Variants in KDM4D observed in about 807,000 individuals in gnomAD.
KDM4D encodes lysine-specific demethylase 4D.
For missense variants in KDM4D, 427 were observed against 674.8 expected, an observed-to-expected ratio of 0.63 and a Z score of 4.07; for synonymous variants, 254 against 249.1, an observed-to-expected ratio of 1.02 and a Z score of -0.19.
intron 2 of KDM4D, among the ~76,000 whole-genome samples, chr11:94,987,503 A>C (rs1232604912): frequency 6.6e-6 from 1 of 152,180 alleles, no homozygotes; most frequent in African/African-American, 2.4e-5. Flanking sequence ...TCTTATCTTC[A>C]ACTACTGACA....
Position 94,998,592 on chromosome 11 carries a change from G to A in KDM4D, c.1220G>A (p.Arg407His), listed in dbSNP as rs201511454. The change falls in exon 3 of 3, where the codon CGC becomes CAC. Residue 407 changes from arginine (R) to histidine (H), a missense_variant. Physicochemically the swap from Arg to His is conservative, Grantham distance 29 (BLOSUM62 0). Transcript: ENST00000335080. The surrounding 1 kb of genome is among the most constrained non-coding windows in gnomAD (Gnocchi z 6.7). Reference sequence around the variant, plus strand: ...ACCCTTGTGTGCTCTTCACTCCCACGCCGATCTGCAGTTAGTGGCACTGCT... The same window carrying A: ...ACCCTTGTGTGCTCTTCACTCCCACACCGATCTGCAGTTAGTGGCACTGCT... Reference protein sequence around the residue: ...CHTLVCSSLPRRSAVSGTATQ... With the variant: ...CHTLVCSSLPHRSAVSGTATQ... 1.7e-5 allele frequency: 27 copies of A among 1,613,950 alleles called. No homozygotes were observed. Among genetic ancestry groups the A allele is most frequent in the South Asian group, 5.5e-5 (5 of 91,088 alleles).
chr11:94,985,364 A>G (rs1308881677), intron 2 of KDM4D, among the ~76,000 whole-genome samples: 1 of 147,140 alleles, frequency 6.8e-6, no homozygotes, highest in Non-Finnish European at 1.5e-5. Context: ...TAGTGTCAAA[A>G]AGATCAAAAT....
intron 2 of KDM4D, among the ~76,000 whole-genome samples, chr11:94,990,984 G>C (rs1160276211): frequency 6.6e-6 from 1 of 152,160 alleles, no homozygotes; most frequent in Admixed American, 6.5e-5. Flanking sequence ...TCTGGACTGG[G>C]AATTTCCAGA....
intron 2 of KDM4D, among the ~76,000 whole-genome samples, chr11:94,982,226 A>G (rs1857847570): frequency 6.6e-6 from 1 of 151,914 alleles, no homozygotes; most frequent in South Asian, 2.1e-4. Context: ...TTATGGCCAC[A>G]GTTATGGTTA....
intron 2 of KDM4D, among the ~76,000 whole-genome samples, chr11:94,991,680 A>C (rs1264183378): frequency 1.3e-5 from 2 of 151,984 alleles, no homozygotes; most frequent in Non-Finnish European, 2.9e-5. Flanking sequence ...ATAAAGGAAT[A>C]GAAAACTTGG....
chr11:94,986,589 CT>C (rs1299931591), intron 2 of KDM4D, among the ~76,000 whole-genome samples: 1 of 152,156 alleles, frequency 6.6e-6, no homozygotes, highest in Non-Finnish European at 1.5e-5. Flanking sequence ...GAGTGAGACC[CT>C]GTCTTAAAAA....
In KDM4D at chr11:94,998,426, GT is replaced by G. The variant is rs782341995; in HGVS notation, c.1055del (p.Val352AspfsTer7). 1 of 1,613,812 alleles carries G rather than the reference GT, an allele frequency of 6.2e-7. No individual in the cohort carries two copies. Among genetic ancestry groups the G allele is most frequent in the East Asian group, 2.2e-5 (1 of 44,862 alleles). Reference protein sequence around the residue: ...RAVVDHMEPRVPASQELSTQK... With the variant: ...RAVVDHMEPRXPASQELSTQK... ...AGTTGTGGACCACATGGAGCCCAGG[GT>G]ACCAGCCAGCCAAGAGCTGAGCACC... On this transcript the variant is annotated frameshift_variant, in exon 3 of 3. Coordinates refer to ENST00000335080, the MANE Select transcript of KDM4D (RefSeq NM_018039.3). LOFTEE classifies it low-confidence loss of function (END_TRUNC). This position sits in a 1 kb window ranked among gnomAD's most constrained non-coding sequence, Gnocchi z 6.7.
At chr11:94,995,443 G>T (rs1257766582) in intron 2 of KDM4D, among the ~76,000 whole-genome samples, 1 of 152,204 alleles carries the variant, frequency 6.6e-6, no homozygotes, top group Non-Finnish European at 1.5e-5. Flanking sequence ...TATGAAAGAA[G>T]ATGTGCTGTT....
chr11:94,998,692 T>G lies in KDM4D; in HGVS notation c.1320T>G (p.Ser440=). 1 of 1,614,224 alleles carries G rather than the reference T, an allele frequency of 6.2e-7. No homozygotes were observed. Among genetic ancestry groups the G allele is most frequent in the Non-Finnish European group, 8.5e-7 (1 of 1,180,034 alleles). ...SSTPSSTPGP[S]AQIIHPSNGR... Reference sequence around the variant, plus strand: ...CTCCATCATCCACCCCTGGTCCATCTGCACAGATTATCCACCCGTCAAATG... The same window carrying G: ...CTCCATCATCCACCCCTGGTCCATCGGCACAGATTATCCACCCGTCAAATG... Residue 440 remains serine (S), a synonymous_variant, in exon 3 of 3, where the codon TCT becomes TCG. Transcript: ENST00000335080. The surrounding 1 kb of genome is among the most constrained non-coding windows in gnomAD (Gnocchi z 6.7).
chr11:94,997,893 G>A lies in KDM4D; in HGVS notation c.521G>A (p.Gly174Asp). Residue 174 changes from glycine to aspartate, a missense_variant, in exon 3 of 3, where the codon GGC (glycine) becomes GAC (aspartate). Coordinates refer to ENST00000335080, the MANE Select transcript of KDM4D (RefSeq NM_018039.3). ...LEKECGVVIEGVNTPYLYFGM... is the reference protein window; with the variant it reads ...LEKECGVVIEDVNTPYLYFGM... ...AAGGAATGTGGGGTTGTCATAGAAG[G>A]CGTCAATACACCCTACTTGTACTTT... 1.2e-6 allele frequency: 2 copies of A among 1,614,222 alleles called. No homozygotes were observed. Among genetic ancestry groups the A allele is most frequent in the Non-Finnish European group, 1.7e-6 (2 of 1,180,038 alleles).
rs1401439748 is a variant in KDM4D at position 94,974,059 on chromosome 11, C to CTAAA, written c.-453_-452insAAAT. 2 of 152,244 alleles carry CTAAA rather than the reference C, an allele frequency of 1.3e-5. No individual in the cohort carries two copies. Among genetic ancestry groups the CTAAA allele is most frequent in the Non-Finnish European group, 2.9e-5 (2 of 68,046 alleles). The allele number at this position is 152,244 out of a possible 1,614,324, so 9.4% of individuals were successfully genotyped here. ...CAAATATGTACGGGGCAACCACGAT[C>CTAAA]TTTACAAAGGTACCATTCCTGCAAA... On this transcript the variant is annotated 5_prime_UTR_variant, in exon 1 of 3. The change abolishes the stop of an existing upstream ORF in the 5' untranslated region. Coordinates refer to ENST00000335080, the MANE Select transcript of KDM4D (RefSeq NM_018039.3).
intron 2 of KDM4D, among the ~76,000 whole-genome samples, chr11:94,988,752 T>C (rs1857909867): frequency 6.6e-6 from 1 of 152,238 alleles, no homozygotes; most frequent in African/African-American, 2.4e-5. Flanking sequence ...CTGAAGATTC[T>C]GTGAGCTACT....
intron 2 of KDM4D, among the ~76,000 whole-genome samples, chr11:94,976,137 A>G (rs1205555332): frequency 6.6e-6 from 1 of 152,210 alleles, no homozygotes; most frequent in Non-Finnish European, 1.5e-5. Flanking sequence ...CTGATCAGTT[A>G]ACCTAGCTGG....
intron 2 of KDM4D, among the ~76,000 whole-genome samples, chr11:94,979,610 A>G (rs925987768): frequency 6.6e-6 from 1 of 152,186 alleles, no homozygotes; most frequent in Non-Finnish European, 1.5e-5. Flanking sequence ...ATGTAAATGA[A>G]TATGTATTCC....
chr11:94,986,066 A>G (rs894889849), intron 2 of KDM4D, among the ~76,000 whole-genome samples: 2 of 152,230 alleles, frequency 1.3e-5, no homozygotes, highest in East Asian at 1.9e-4. Flanking sequence ...ATCAAAATTC[A>G]ATTCTTGTGC....
chr11:94,979,042 G>A (rs1857821921), intron 2 of KDM4D, among the ~76,000 whole-genome samples: 1 of 152,148 alleles, frequency 6.6e-6, no homozygotes, highest in African/African-American at 2.4e-5. Flanking sequence ...TAAGTTATAT[G>A]TGTGTACATA....
rs1455976591 is a variant in KDM4D at position 94,973,749 on chromosome 11, C to T, written c.-764C>T. The stretch of plus-strand genomic sequence containing the variant: ...CAGTGCCTTAGAGTAGACCCTAAAC[C>T]TCATTTTATACCTTCAAGAACCAAT... On this transcript the variant is annotated 5_prime_UTR_variant, in exon 1 of 3. Coordinates refer to ENST00000335080, the MANE Select transcript of KDM4D (RefSeq NM_018039.3). The T allele has an allele frequency of 3.3e-5, 5 of 152,332 alleles. No individual in the cohort carries two copies. The highest frequency in any genetic ancestry group is 1.2e-4 in the African/African-American group (5 of 41,480). 9.4% of individuals were successfully genotyped at this position (152,332 alleles called of 1,614,324 possible).
chr11:94,983,026 C>T (rs782503066), intron 2 of KDM4D, among the ~76,000 whole-genome samples: 16 of 151,936 alleles, frequency 1.1e-4, no homozygotes, highest in Non-Finnish European at 2.2e-4. Flanking sequence ...AAGTTTTACT[C>T]TATAAATATA....
At chr11:94,990,491 G>C (rs1171368223) in intron 2 of KDM4D, among the ~76,000 whole-genome samples, 6 of 151,528 alleles carry the variant, frequency 4.0e-5, no homozygotes, top group African/African-American at 1.5e-4. Context: ...TAAGAAAATT[G>C]AGAGAGAAAT....
Sources: allele counts gnomAD v4.1 joint callset (sites outside exome capture counted in the v4.1 genomes callset), GRCh38; gene constraint gnomAD v4.1.1; non-coding constraint Gnocchi (gnomAD v3.1); transcripts MANE v1.5; gene names NCBI Gene and HGNC (gene_info 2026-07-23, HGNC 2026-07-21).